PTTG1: variants seen among roughly 807,000 people sequenced by gnomAD.
The protein encoded by PTTG1 is PTTG1 regulator of sister chromatid separation, securin.
In PTTG1, 8 loss-of-function variants were observed where a neutral mutation model predicts 20.0. That is an observed-to-expected ratio of 0.40 (90% CI 0.23 to 0.72). The LOEUF (loss-of-function observed/expected upper bound fraction) is 0.72, where lower values mean the gene tolerates loss of function less well. Ranked by LOEUF, PTTG1 falls within the 30% of genes least tolerant of loss-of-function variation. PTTG1 has a pLI of 0.38. For missense variants in PTTG1, 197 were observed against 236.0 expected, an observed-to-expected ratio of 0.83 and a Z score of 1.08; for synonymous variants, 79 against 87.2, an observed-to-expected ratio of 0.91 and a Z score of 0.52.
intron 4 of PTTG1, 78 bp downstream of exon 4, chr5:160,424,408 A>C (rs1298314077): frequency 9.5e-7 from 1 of 1,057,452 alleles, no homozygotes; most frequent in Non-Finnish European, 1.4e-6. Flanking sequence ...ACTTGTTATG[A>C]ATATAATATA....
chr5:160,427,057 A>G (rs1334128345), intron 4 of PTTG1, among the ~76,000 whole-genome samples: 5 of 152,060 alleles, frequency 3.3e-5, no homozygotes, highest in Non-Finnish European at 7.4e-5. Flanking sequence ...AAAAATATTC[A>G]TTTTTTAATT....
chr5:160,422,354 A>T lies in PTTG1; in HGVS notation c.42A>T (p.Pro14=), dbSNP rs748213253. ...LIYVDKENGE[P]GTRVVAKDGL... is the part of the protein sequence containing the mutation. Reference sequence around the variant, plus strand: ...ATGTTGATAAGGAAAATGGAGAACCAGGCACCCGTGTGGTTGCTAAGGATG... The same window carrying T: ...ATGTTGATAAGGAAAATGGAGAACCTGGCACCCGTGTGGTTGCTAAGGATG... The change falls in exon 2 of 6, where the codon CCA becomes CCT. Residue 14 remains proline, a synonymous_variant. Coordinates refer to ENST00000352433, the MANE Select transcript of PTTG1 (RefSeq NM_004219.4). 18 of 1,614,146 alleles carry T rather than the reference A, an allele frequency of 1.1e-5. No homozygotes were observed. In the South Asian group the frequency reaches 1.9e-4, roughly 17 times the overall value.
At chr5:160,426,431 T>G (rs1253097728) in intron 4 of PTTG1, among the ~76,000 whole-genome samples, 2 of 152,216 alleles carry the variant, frequency 1.3e-5, no homozygotes, top group Non-Finnish European at 2.9e-5. Flanking sequence ...GTGGATAGGT[T>G]TTTTTGCCAC....
At chr5:160,428,251 T>C (rs1344151420) in intron 5 of PTTG1, among the ~76,000 whole-genome samples, 1 of 152,236 alleles carries the variant, frequency 6.6e-6, no homozygotes, top group Non-Finnish European at 1.5e-5. Flanking sequence ...AACTTCTTAC[T>C]GCAGAAGGTC....
chr5:160,426,242 T>C (rs190719899), intron 4 of PTTG1, among the ~76,000 whole-genome samples: 1 of 152,332 alleles, frequency 6.6e-6, no homozygotes, highest in Non-Finnish European at 1.5e-5. Context: ...ATATTTTTTG[T>C]TCTGGAAAAG....
chr5:160,427,685 C>T lies in PTTG1; in HGVS notation c.371-30C>T, dbSNP rs531473357. 5.0e-6 allele frequency: 8 copies of T among 1,607,742 alleles called. No homozygotes were observed. The African/African-American group carries it at 8.0e-5, about 16-fold the overall frequency. On this transcript the variant is annotated intron_variant, in intron 4 of 5. Transcript: ENST00000352433. ...TACAGCCCACACTAAGAACTGCTGC[C>T]CTGACAAAAACGCTTTCTCTCTGTA...
intron 3 of PTTG1, among the ~76,000 whole-genome samples, chr5:160,423,551 G>A (rs1347745949): frequency 6.6e-6 from 1 of 152,166 alleles, no homozygotes; most frequent in Non-Finnish European, 1.5e-5. Flanking sequence ...TTTAAAAAGT[G>A]AATTAACTTA....
In PTTG1 at chr5:160,428,676, A is replaced by G. The variant is rs1765856222; in HGVS notation, c.604A>G (p.Ile202Val). The G allele has an allele frequency of 1.2e-6, 2 of 1,612,274 alleles. No individual in the cohort carries two copies. The highest frequency in any genetic ancestry group is 2.7e-5 in the African/African-American group (2 of 75,000). ...GCCACCTGTTTGCTGTGACATAGAT[A>G]TTTAAATTTCTTAGTGCTTCAGAGT... ...ELPPVCCDID[I>V] Residue 202 changes from isoleucine to valine, a missense_variant, in exon 6 of 6, where the codon ATT (isoleucine) becomes GTT (valine). Transcript: ENST00000352433.
intron 3 of PTTG1, among the ~76,000 whole-genome samples, chr5:160,423,689 C>T (rs746523202): frequency 1.4e-5 from 2 of 144,520 alleles, no homozygotes; most frequent in East Asian, 2.0e-4. Flanking sequence ...AGGAACATGC[C>T]GGCTTCCATT....
At chr5:160,424,371 A>G in intron 4 of PTTG1, 41 bp downstream of exon 4, 1 of 1,377,176 alleles carries the variant, frequency 7.3e-7, no homozygotes, top group East Asian at 2.3e-5. Flanking sequence ...TTTGGCCTTT[A>G]GTTTCTTAGT....
chr5:160,422,846 AC>A lies in PTTG1; in HGVS notation c.231del (p.Lys78ArgfsTer16). On this transcript the variant is annotated frameshift_variant, in exon 3 of 6. Transcript: ENST00000352433. LOFTEE classifies it high-confidence loss of function. Reference protein sequence around the residue: ...VNRATEKSVKTKGPLKQKQPS... With the variant: ...VNRATEKSVKXKGPLKQKQPS... ...CAGAGCTACAGAAAAGTCTGTAAAG[AC>A]CAAGGGACCCCTCAAACAAAAACAG... 1 of 1,614,188 alleles carries A rather than the reference AC, an allele frequency of 6.2e-7. No homozygotes were observed. Among genetic ancestry groups the A allele is most frequent in the Non-Finnish European group, 8.5e-7 (1 of 1,180,028 alleles).
At chr5:160,423,365 C>T (rs2910201) in intron 3 of PTTG1, among the ~76,000 whole-genome samples, 85,605 of 152,058 alleles carry the variant, frequency 0.56, 25,970 homozygotes, top group Non-Finnish European at 0.67. Flanking sequence ...TGTTGATCTT[C>T]GTGTGAGTGT....
At chr5:160,426,483 G>A (rs1398037226) in intron 4 of PTTG1, among the ~76,000 whole-genome samples, 1 of 152,136 alleles carries the variant, frequency 6.6e-6, no homozygotes, top group Non-Finnish European at 1.5e-5. Context: ...ATATAAAATT[G>A]CAATGTGGAA....
At chr5:160,425,646 C>A (rs780720054) in intron 4 of PTTG1, among the ~76,000 whole-genome samples, 1 of 152,058 alleles carries the variant, frequency 6.6e-6, no homozygotes, top group Non-Finnish European at 1.5e-5. Context: ...TTATTAACTT[C>A]CGGTTTGTGT....
At chr5:160,424,165 G>A in intron 3 of PTTG1, 72 bp from the exon 4 acceptor site, 1 of 1,125,558 alleles carries the variant, frequency 8.9e-7, no homozygotes, top group South Asian at 1.5e-5. Context: ...GCATGAAATT[G>A]ACAAATTTAA....
chr5:160,422,586 C>A, intron 2 of PTTG1, 123 bp from the exon 3 acceptor site: 2 of 1,158,172 alleles, frequency 1.7e-6, no homozygotes, highest in Non-Finnish European at 2.6e-6. Flanking sequence ...CCTATCATAG[C>A]CATGCCACTA....
intron 3 of PTTG1, among the ~76,000 whole-genome samples, chr5:160,423,180 C>T (rs1448425823): frequency 6.6e-6 from 1 of 152,130 alleles, no homozygotes; most frequent in African/African-American, 2.4e-5. Context: ...CTTACAGATA[C>T]ATACTGAGAG....
intron 3 of PTTG1, among the ~76,000 whole-genome samples, chr5:160,423,928 C>T (rs1765763279): frequency 6.6e-6 from 1 of 152,202 alleles, no homozygotes; most frequent in Admixed American, 6.5e-5. Flanking sequence ...TGATTAGCTA[C>T]TATCCTGGGT....
intron 3 of PTTG1, among the ~76,000 whole-genome samples, chr5:160,423,654 A>G (rs1388264968): frequency 6.6e-6 from 1 of 152,228 alleles, no homozygotes; most frequent in Non-Finnish European, 1.5e-5. Context: ...AATTCTAGGC[A>G]TGCATATGTG....
Sources: gnomAD v4.1 joint callset for allele counts (sites outside exome capture counted in the v4.1 genomes callset) on GRCh38, gnomAD v4.1.1 for gene constraint, MANE v1.5 for transcripts, NCBI Gene and HGNC (gene_info 2026-07-23, HGNC 2026-07-21) for gene names.